Variants in TENM2 observed in about 807,000 individuals in gnomAD.
The protein encoded by TENM2 is teneurin transmembrane protein 2.
TENM2 carries 52 observed loss-of-function variants against 245.2 expected under a neutral mutation model. That is an observed-to-expected ratio of 0.21 (90% CI 0.17 to 0.27). The LOEUF (loss-of-function observed/expected upper bound fraction) is 0.27. Among genes scored for constraint, TENM2 ranks in the 10% least tolerant of loss-of-function variants. The pLI is 1.00. For missense variants in TENM2, 3,046 were observed against 3,666.8 expected (o/e 0.83, Z 4.37); for synonymous variants, 1,363 against 1,438.9 (o/e 0.95, Z 1.19).
chr5:167,290,111 A>T (rs1754547564), intron 1 of TENM2, among the ~76,000 whole-genome samples: 1 of 152,152 alleles, frequency 6.6e-6, no homozygotes, highest in South Asian at 2.1e-4. Context: ...TTTCTTTTTT[A>T]AAAAATATCC....
At chr5:166,996,191 A>C in the TENM2 span, among the ~76,000 whole-genome samples, 1 of 151,934 alleles carries the variant, frequency 6.6e-6, no homozygotes, top group Non-Finnish European at 1.5e-5. Flanking sequence ...AAAATACAGA[A>C]AATTAGCCGG....
chr5:167,843,879 T>G (rs912546772), intron 2 of TENM2, among the ~76,000 whole-genome samples: 1 of 152,222 alleles, frequency 6.6e-6, no homozygotes, highest in Non-Finnish European at 1.5e-5. Context: ...ATTGCTACTT[T>G]GTGTTATCAA....
At chr5:167,921,091 TC>T (rs1777333792) in intron 3 of TENM2, among the ~76,000 whole-genome samples, 1 of 152,208 alleles carries the variant, frequency 6.6e-6, no homozygotes, top group Non-Finnish European at 1.5e-5. Flanking sequence ...TTATATCAAA[TC>T]AACCATCTAA....
At chr5:168,101,946 A>G (rs1247952891) in intron 9 of TENM2, among the ~76,000 whole-genome samples, 1 of 152,134 alleles carries the variant, frequency 6.6e-6, no homozygotes, top group Non-Finnish European at 1.5e-5. Context: ...TTGATCTTTC[A>G]TGTACCACCT....
At chr5:167,976,675 C>T (rs1782465792) in intron 4 of TENM2, among the ~76,000 whole-genome samples, 1 of 152,130 alleles carries the variant, frequency 6.6e-6, no homozygotes. Flanking sequence ...TTAGCATAAA[C>T]TTTTAAAATG....
intron 3 of TENM2, among the ~76,000 whole-genome samples, chr5:167,905,303 A>G (rs903812125): frequency 2.0e-5 from 3 of 152,172 alleles, no homozygotes; most frequent in African/African-American, 7.2e-5. Flanking sequence ...AATAGGCACT[A>G]TTTAGAAGGT....
intron 17 of TENM2, among the ~76,000 whole-genome samples, chr5:168,203,239 A>G (rs774335573): frequency 2.4e-4 from 36 of 152,222 alleles, no homozygotes; most frequent in Non-Finnish European, 4.1e-4. Context: ...CTCCATGTCA[A>G]TGAGCCAGTA....
intron 1 of TENM2, among the ~76,000 whole-genome samples, chr5:167,290,611 G>GAC (rs1280785854): frequency 6.6e-6 from 1 of 152,030 alleles, no homozygotes; most frequent in East Asian, 1.9e-4. Context: ...CATAGAGTGT[G>GAC]TCTGACTCTC....
the TENM2 span, among the ~76,000 whole-genome samples, chr5:167,111,152 A>T: frequency 2.7e-4 from 41 of 152,344 alleles, 1 homozygote; most frequent in South Asian, 7.5e-3. Flanking sequence ...ATGATTCTGT[A>T]AACATTCCTT....
At chr5:168,000,420 G>A (rs1373281557) in intron 5 of TENM2, among the ~76,000 whole-genome samples, 1 of 152,194 alleles carries the variant, frequency 6.6e-6, no homozygotes, top group East Asian at 1.9e-4. Flanking sequence ...GTCAGAGAGG[G>A]CTGTGTTTGA....
intron 2 of TENM2, among the ~76,000 whole-genome samples, chr5:167,464,454 C>G (rs1766518727): frequency 6.6e-6 from 1 of 152,162 alleles, no homozygotes; most frequent in Non-Finnish European, 1.5e-5. Flanking sequence ...AATCATCTAT[C>G]TGGATACACA....
exon 4 of TENM2, chr5:167,952,817 G>A: frequency 6.4e-7 from 1 of 1,554,200 alleles, no homozygotes; most frequent in Non-Finnish European, 8.7e-7. Flanking sequence ...TGCCACTGGA[G>A]ACCCGGTAAG....
intron 13 of TENM2, among the ~76,000 whole-genome samples, chr5:168,189,614 TTCTCCACATTTCCTAGAAA>T (rs1267625057): frequency 6.6e-6 from 1 of 152,194 alleles, no homozygotes; most frequent in Non-Finnish European, 1.5e-5. Context: ...CCAAAGCCAT[TTCTCCACATTTCCTAGAAA>T]ATGTAATACT....
intron 2 of TENM2, among the ~76,000 whole-genome samples, chr5:167,735,401 A>G (rs1760725956): frequency 6.6e-6 from 1 of 152,258 alleles, no homozygotes; most frequent in Admixed American, 6.5e-5. Flanking sequence ...TAGTATGAGA[A>G]AAACTAATCA....
At chr5:167,821,582 A>T (rs907050607) in intron 2 of TENM2, among the ~76,000 whole-genome samples, 1 of 152,230 alleles carries the variant, frequency 6.6e-6, no homozygotes, top group Non-Finnish European at 1.5e-5. Flanking sequence ...ACATGATCCG[A>T]TAGTTCCATC....
the TENM2 span, among the ~76,000 whole-genome samples, chr5:167,193,222 G>A: frequency 6.6e-6 from 1 of 152,018 alleles, no homozygotes; most frequent in Non-Finnish European, 1.5e-5. Context: ...CGCAGTTGTA[G>A]TCAGGCAAGG....
At chr5:167,872,485 AAAG>A in intron 2 of TENM2, among the ~76,000 whole-genome samples, 12 of 15,566 alleles carry the variant, frequency 7.7e-4, no homozygotes, top group South Asian at 0.036. Context: ...AAAGAAAGAA[AAAG>A]AAAGAAAGAA....
chr5:168,084,220 T>C (rs985355157), intron 7 of TENM2, among the ~76,000 whole-genome samples: 1 of 152,242 alleles, frequency 6.6e-6, no homozygotes, highest in Non-Finnish European at 1.5e-5. Context: ...AATGAACATA[T>C]GAGTGCATGT....
intron 2 of TENM2, among the ~76,000 whole-genome samples, chr5:167,527,263 A>T (rs1771183994): frequency 6.6e-6 from 1 of 152,138 alleles, no homozygotes; most frequent in African/African-American, 2.4e-5. Flanking sequence ...AAGCTCAAGG[A>T]TTGTGTTTGC....
Sources: gnomAD v4.1 joint callset for allele counts (sites outside exome capture counted in the v4.1 genomes callset) on GRCh38, gnomAD v4.1.1 for gene constraint, MANE v1.5 for transcripts, NCBI Gene and HGNC (gene_info 2026-07-23, HGNC 2026-07-21) for gene names.